Variants in UGT3A2 observed in about 807,000 individuals in gnomAD.
UGT3A2 encodes UDP glycosyltransferase family 3 member A2.
UGT3A2 carries 32 observed loss-of-function variants against 39.8 expected under a neutral mutation model. That is an observed-to-expected ratio of 0.80 (90% CI 0.61 to 1.08). The LOEUF is 1.08. Among genes scored for constraint, UGT3A2 ranks in the 50% least tolerant of loss-of-function variants. The pLI, the probability that UGT3A2 is intolerant of heterozygous loss-of-function variation, is 0.00. For missense variants in UGT3A2, 611 were observed against 637.1 expected (o/e 0.96, Z 0.44); for synonymous variants, 241 against 230.7 (o/e 1.04, Z -0.40).
In UGT3A2 at chr5:36,037,984, C is replaced by G. The variant is rs200668492; in HGVS notation, c.1108G>C (p.Gly370Arg). 14 of 1,610,218 alleles carry G rather than the reference C, an allele frequency of 8.7e-6. No homozygotes were observed. The highest frequency in any genetic ancestry group is 1.2e-5 in the Non-Finnish European group (14 of 1,178,836). Residue 370 changes from glycine to arginine, a missense_variant, in exon 6 of 7, where the codon GGC becomes CGC. Physicochemically the swap from Gly to Arg is moderately radical, Grantham distance 125. Transcript: ENST00000282507. ...GCCTCCATTATGCTATTCTGCCCGC[C>G]GTGGGTGACAAACAGACGGATGCTT... ...HPSIRLFVTHGGQNSIMEAIQ... is the reference protein window; with the variant it reads ...HPSIRLFVTHRGQNSIMEAIQ...
At chr5:36,045,827 G>C (rs1040830643) in intron 4 of UGT3A2, among the ~76,000 whole-genome samples, 15 of 152,042 alleles carry the variant, frequency 9.9e-5, no homozygotes, top group Middle Eastern at 3.4e-3. Context: ...TATCAACAAA[G>C]AGAAGAGATA....
chr5:36,050,862 CAA>C (rs34970074), intron 3 of UGT3A2, among the ~76,000 whole-genome samples: 2 of 138,816 alleles, frequency 1.4e-5, no homozygotes, highest in Non-Finnish European at 1.6e-5. Context: ...AACTCCGTCT[CAA>C]AAAAAAAAAA....
At chr5:36,056,255 G>GC (rs1742508951) in intron 2 of UGT3A2, among the ~76,000 whole-genome samples, 1 of 152,224 alleles carries the variant, frequency 6.6e-6, no homozygotes, top group African/African-American at 2.4e-5. Context: ...GGGTGGAATA[G>GC]CCCAGGCTTT....
chr5:36,061,061 A>G (rs1053274954), intron 2 of UGT3A2, among the ~76,000 whole-genome samples: 11 of 152,112 alleles, frequency 7.2e-5, no homozygotes, highest in African/African-American at 2.2e-4. Context: ...AGTCCCAGTT[A>G]TTTGGTAGGC....
intron 3 of UGT3A2, 46 bp from the exon 4 acceptor site, chr5:36,049,466 T>C (rs751831793): frequency 3.6e-6 from 5 of 1,398,488 alleles, no homozygotes; most frequent in Non-Finnish European, 4.8e-6. Context: ...AGTGTTAAAT[T>C]TACAGTACAT....
Position 36,050,673 on chromosome 5 carries a change from C to T in UGT3A2, c.311+1197G>A, listed in dbSNP as rs577288803. Reference sequence around the variant, plus strand: ...GGTTAGGAGTTTGAGACCAGCCTGGCGAACATGGTGAAATGCCGTCACTAC... The same window carrying T: ...GGTTAGGAGTTTGAGACCAGCCTGGTGAACATGGTGAAATGCCGTCACTAC... On this transcript the variant is annotated intron_variant, in intron 3 of 6. Coordinates refer to ENST00000282507, the MANE Select transcript of UGT3A2 (RefSeq NM_174914.4). 1.1e-3 allele frequency among the ~76,000 whole-genome samples: 169 copies of T among 152,184 alleles called. 1 individual carries two copies. In the South Asian group the frequency reaches 0.016, roughly 14 times the overall value.
In UGT3A2 at chr5:36,064,032, A is replaced by G. The variant is rs80141606; in HGVS notation, c.196+217T>C. ...GGTTGCTTGGGATGGAGTAGAAGTC[A>G]AGTAAGGGGAAAAAAAAATATGGGA... On this transcript the variant is annotated intron_variant, in intron 2 of 6. Coordinates refer to ENST00000282507, the MANE Select transcript of UGT3A2 (RefSeq NM_174914.4). Among the ~76,000 whole-genome samples the G allele has an allele frequency of 3.6e-4, 55 of 152,304 alleles. No homozygotes were observed. The East Asian group carries it at 9.4e-3, about 26-fold the overall frequency.
intron 2 of UGT3A2, among the ~76,000 whole-genome samples, chr5:36,057,026 C>T (rs1179622118): frequency 6.6e-6 from 1 of 152,218 alleles, no homozygotes; most frequent in Non-Finnish European, 1.5e-5. Context: ...TTTAGGCTTT[C>T]TCTCTCATGC....
intron 4 of UGT3A2, among the ~76,000 whole-genome samples, chr5:36,042,452 G>A (rs1004667261): frequency 2.6e-5 from 4 of 151,584 alleles, no homozygotes; most frequent in Non-Finnish European, 5.9e-5. Flanking sequence ...TCACTAAAAG[G>A]AAGACAAGAA....
At chr5:36,050,090 C>T (rs1287269) in intron 3 of UGT3A2, among the ~76,000 whole-genome samples, 75,947 of 149,262 alleles carry the variant, frequency 0.51, 19,468 homozygotes, top group Non-Finnish European at 0.55. Flanking sequence ...GACTTTTATT[C>T]GTTATTGTTA....
rs1742272423 is a variant in UGT3A2 at position 36,049,388 on chromosome 5, T to C, written c.344A>G (p.Glu115Gly). The C allele has an allele frequency of 2.5e-6, 4 of 1,573,598 alleles. No homozygotes were observed. The highest frequency in any genetic ancestry group is 3.4e-6 in the Non-Finnish European group (4 of 1,165,132). ...GKFENLLNVL[E>G]YLALQCSHFL... ...ATGACTGCACTGCAACGCCAAGTATTCTAGAACATTTAATAAGTTTTCAAA... is the reference window on the plus strand; with the variant it reads ...ATGACTGCACTGCAACGCCAAGTATCCTAGAACATTTAATAAGTTTTCAAA... Residue 115 changes from glutamate to glycine, a missense_variant, in exon 4 of 7, where the codon GAA becomes GGA. Coordinates refer to ENST00000282507, the MANE Select transcript of UGT3A2 (RefSeq NM_174914.4).
rs1375740491 is a variant in UGT3A2 at position 36,066,707 on chromosome 5, A to G, written c.83T>C (p.Ile28Thr). The change falls in exon 1 of 7, where the codon ATA (isoleucine) becomes ACA (threonine). Residue 28 changes from isoleucine (I) to threonine (T), a missense_variant. By Grantham distance (89) the Ile-to-Thr change is moderately conservative. Transcript: ENST00000282507. ...LLSEAAKILTISTVGGSHYLL... is the reference protein window; with the variant it reads ...LLSEAAKILTTSTVGGSHYLL... ...GGCCAAGCACTCACCTACTGTAGATATTGTCAGGATTTTGGCAGCCTCTGA... is the reference window on the plus strand; with the variant it reads ...GGCCAAGCACTCACCTACTGTAGATGTTGTCAGGATTTTGGCAGCCTCTGA... 10 of 1,614,060 alleles carry G rather than the reference A, an allele frequency of 6.2e-6. No homozygotes were observed. Among genetic ancestry groups the G allele is most frequent in the Middle Eastern group, 1.7e-4 (1 of 6,060 alleles).
At chr5:36,056,812 TTC>T (rs1415950668) in intron 2 of UGT3A2, among the ~76,000 whole-genome samples, 1 of 152,258 alleles carries the variant, frequency 6.6e-6, no homozygotes, top group Non-Finnish European at 1.5e-5. Flanking sequence ...CATAGTTATT[TTC>T]TCAATTTATC....
At chr5:36,037,496 C>T (rs1741867695) in intron 6 of UGT3A2, among the ~76,000 whole-genome samples, 1 of 152,048 alleles carries the variant, frequency 6.6e-6, no homozygotes. Context: ...GTTGGAATCC[C>T]GCTGACCTGA....
rs775836223 is a variant in UGT3A2 at position 36,035,721 on chromosome 5, C to T, written c.1549G>A (p.Ala517Thr). ...CCTTATGTCTCCTTCACCTTTCTGGCCCCACGCAGCCACCAGACAGCCATG... is the reference window on the plus strand; with the variant it reads ...CCTTATGTCTCCTTCACCTTTCTGGTCCCACGCAGCCACCAGACAGCCATG... The part of the protein sequence containing the change: ...LGMAVWWLRG[A>T]RKVKET Residue 517 changes from alanine (A) to threonine (T), a missense_variant, in exon 7 of 7, where the codon GCC becomes ACC. Physicochemically the swap from Ala to Thr is moderately conservative, Grantham distance 58. Coordinates refer to ENST00000282507, the MANE Select transcript of UGT3A2 (RefSeq NM_174914.4). The T allele has an allele frequency of 6.2e-7, 1 of 1,614,134 alleles. No homozygotes were observed. The highest frequency in any genetic ancestry group is 8.5e-7 in the Non-Finnish European group (1 of 1,180,004).
At chr5:36,053,694 T>C (rs1356277105) in intron 2 of UGT3A2, among the ~76,000 whole-genome samples, 2 of 152,200 alleles carry the variant, frequency 1.3e-5, no homozygotes, top group Non-Finnish European at 2.9e-5. Context: ...CAAGGTATTG[T>C]CTTATAGTTC....
In UGT3A2 at chr5:36,035,266, G is replaced by T. The variant is rs1343952896; in HGVS notation, c.*432C>A. 1 of 187,100 alleles carries T rather than the reference G, an allele frequency of 5.3e-6. No homozygotes were observed. Among genetic ancestry groups the T allele is most frequent in the Non-Finnish European group, 1.1e-5 (1 of 87,370 alleles). The allele number at this position is 187,100 out of a possible 1,614,324, so 11.6% of individuals were successfully genotyped here. ...AAAGAATATGCAAGGTGTCTTTCTT[G>T]GATGTTATTCCATGATAGATAGTAG... On this transcript the variant is annotated 3_prime_UTR_variant, in exon 7 of 7. Transcript: ENST00000282507.
intron 4 of UGT3A2, among the ~76,000 whole-genome samples, chr5:36,048,335 T>C (rs1287274): frequency 0.47 from 71,604 of 151,964 alleles, 17,185 homozygotes; most frequent in Non-Finnish European, 0.5. Context: ...ATATGCAAAT[T>C]ACAGTGGCAG....
chr5:36,048,608 C>T (rs550687394), intron 4 of UGT3A2, among the ~76,000 whole-genome samples: 1 of 152,284 alleles, frequency 6.6e-6, no homozygotes, highest in East Asian at 1.9e-4. Flanking sequence ...AAAAATGAAA[C>T]TTTAATACAG....
Sources: gnomAD v4.1 joint callset for allele counts (sites outside exome capture counted in the v4.1 genomes callset) on GRCh38, gnomAD v4.1.1 for gene constraint, MANE v1.5 for transcripts, NCBI Gene and HGNC (gene_info 2026-07-23, HGNC 2026-07-21) for gene names.